PPARGC1B: variants seen among roughly 807,000 people sequenced by gnomAD.
PPARGC1B encodes the protein peroxisome proliferator-activated receptor gamma coactivator 1-beta.
PPARGC1B carries 34 observed loss-of-function variants against 101.6 expected under a neutral mutation model. The observed-to-expected ratio is 0.33, with a 90% CI of 0.25 to 0.45. PPARGC1B has a LOEUF of 0.45. Ranked by LOEUF, PPARGC1B falls within the 20% of genes least tolerant of loss-of-function variation. The pLI is 1.00. For missense variants in PPARGC1B, 1,234 were observed against 1,317.6 expected, an observed-to-expected ratio of 0.94 and a Z score of 0.98; for synonymous variants, 548 against 539.3, an observed-to-expected ratio of 1.02 and a Z score of -0.22.
chr5:149,813,827 AT>A (rs1328857888), intron 1 of PPARGC1B, among the ~76,000 whole-genome samples: 1 of 152,172 alleles, frequency 6.6e-6, no homozygotes, highest in Admixed American at 6.5e-5. Context: ...GCACCGGCAG[AT>A]TTTGTATCTG....
At chr5:149,838,171 C>A (rs1299426716) in intron 8 of PPARGC1B, among the ~76,000 whole-genome samples, 1 of 152,142 alleles carries the variant, frequency 6.6e-6, no homozygotes, top group Non-Finnish European at 1.5e-5. Context: ...TATGTTTATA[C>A]ATCTACAACA....
chr5:149,832,959 A>G lies in PPARGC1B; in HGVS notation c.886A>G (p.Thr296Ala). ...GGTGCAACTCATACGCTACATGCAC[A>G]CCTACTGCCTCCCCCAGAGGAAGCT... ...AMVQLIRYMH[T>A]YCLPQRKLPP... Residue 296 changes from threonine to alanine, a missense_variant, in exon 5 of 12, where the codon ACC becomes GCC. Coordinates refer to ENST00000309241, the MANE Select transcript of PPARGC1B (RefSeq NM_133263.4). This position sits in a 1 kb window ranked among gnomAD's most constrained non-coding sequence, Gnocchi z 4.9. 1 of 1,613,098 alleles carries G rather than the reference A, an allele frequency of 6.2e-7. No homozygotes were observed. The highest frequency in any genetic ancestry group is 8.5e-7 in the Non-Finnish European group (1 of 1,179,978).
Position 149,837,194 on chromosome 5 carries a change from C to T in PPARGC1B, c.2618+121C>T. The T allele has an allele frequency of 1.4e-6, 2 of 1,421,004 alleles. No homozygotes were observed. Among genetic ancestry groups the T allele is most frequent in the Non-Finnish European group, 1.9e-6 (2 of 1,069,258 alleles). The allele number at this position is 1,421,004 out of a possible 1,614,324, so 88.0% of individuals were successfully genotyped here. ...TGCTCTGAAACTGAGGCTGCATCTC[C>T]CAGTGTGGCCCATGTCTTGGTCAGG... On this transcript the variant is annotated intron_variant, in intron 8 of 11. Transcript: ENST00000309241. The surrounding 1 kb of genome is among the most constrained non-coding windows in gnomAD (Gnocchi z 4.2).
At position 149,784,474 on chromosome 5, in the gene PPARGC1B, C is replaced by G. The variant is rs545143012; in HGVS notation, c.79-35959C>G. ...GGGCAGAGGCCACCCTTACCATGGC[C>G]TAGAAGTCTTTTCGGGATCTGGCCC... On this transcript the variant is annotated intron_variant, in intron 1 of 11. Coordinates refer to ENST00000309241, the MANE Select transcript of PPARGC1B (RefSeq NM_133263.4). Among the ~76,000 whole-genome samples the G allele has an allele frequency of 4.6e-5, 7 of 151,652 alleles. No homozygotes were observed. The South Asian group carries it at 1.5e-3, about 32-fold the overall frequency.
At position 149,853,820 on chromosome 5, in the gene PPARGC1B, G is replaced by C. The variant is rs1759859642; in HGVS notation, c.*6262G>C. On this transcript the variant is annotated 3_prime_UTR_variant, in exon 12 of 12. Coordinates refer to ENST00000309241, the MANE Select transcript of PPARGC1B (RefSeq NM_133263.4). This position sits in a 1 kb window ranked among gnomAD's most constrained non-coding sequence, Gnocchi z 4.2. ...GTGGACAAGGTGGTATGTGCAGCAG[G>C]GGAATAGACTGCTTGGATTTCCAAA... The C allele has an allele frequency of 6.6e-6, 1 of 152,190 alleles. No individual in the cohort carries two copies. Among genetic ancestry groups the C allele is most frequent in the African/African-American group, 2.4e-5 (1 of 41,444 alleles). The allele number at this position is 152,190 out of a possible 1,614,324, so 9.4% of individuals were successfully genotyped here. A position where few individuals can be genotyped will look rare whatever the true frequency, so the allele number is the denominator to read the frequency against.
At chr5:149,747,554 A>G (rs1010767088) in intron 1 of PPARGC1B, among the ~76,000 whole-genome samples, 1 of 152,160 alleles carries the variant, frequency 6.6e-6, no homozygotes, top group African/African-American at 2.4e-5. Flanking sequence ...GCCCCAAAAT[A>G]TCATGCCCCA....
chr5:149,844,489 A>T (rs1312676671), intron 10 of PPARGC1B, among the ~76,000 whole-genome samples: 1 of 152,178 alleles, frequency 6.6e-6, no homozygotes, highest in East Asian at 1.9e-4. Flanking sequence ...AATACAAAAA[A>T]TTACCCGGGC....
chr5:149,768,441 A>ATT (rs34427591), intron 1 of PPARGC1B, among the ~76,000 whole-genome samples: 8,344 of 127,462 alleles, frequency 0.065, 413 homozygotes, highest in African/African-American at 0.12. Flanking sequence ...TGCCTGGCTA[A>ATT]TTTTTTTTTT....
chr5:149,796,205 G>C (rs1236339002), intron 1 of PPARGC1B, among the ~76,000 whole-genome samples: 1 of 152,160 alleles, frequency 6.6e-6, no homozygotes, highest in African/African-American at 2.4e-5. Context: ...ACTTCAGAGT[G>C]AGCAGTCGGT....
In PPARGC1B at chr5:149,826,824, C is replaced by A; in HGVS notation, c.404C>A (p.Pro135His). 1 of 1,613,866 alleles carries A rather than the reference C, an allele frequency of 6.2e-7. No homozygotes were observed. The highest frequency in any genetic ancestry group is 8.5e-7 in the Non-Finnish European group (1 of 1,179,804). The change falls in exon 3 of 12, where the codon CCC becomes CAC. Residue 135 changes from proline to histidine, a missense_variant. Coordinates refer to ENST00000309241, the MANE Select transcript of PPARGC1B (RefSeq NM_133263.4). Reference sequence around the variant, plus strand: ...GCTTCGCCTGCCCCCTCATCTGCACCCCCCAGCCCTGCCCCGGAGAAGCCC... The same window carrying A: ...GCTTCGCCTGCCCCCTCATCTGCACACCCCAGCCCTGCCCCGGAGAAGCCC... ...TSASPAPSSA[P>H]PSPAPEKPSA... is the part of the protein sequence containing the mutation.
At chr5:149,799,701 T>TTTTG (rs1252871890) in intron 1 of PPARGC1B, among the ~76,000 whole-genome samples, 2 of 130,060 alleles carry the variant, frequency 1.5e-5, no homozygotes, top group Admixed American at 7.8e-5. Flanking sequence ...TTGTTTTTTT[T>TTTTG]TTTTTTTTTT....
At chr5:149,795,795 G>A (rs1290353402) in intron 1 of PPARGC1B, among the ~76,000 whole-genome samples, 1 of 151,538 alleles carries the variant, frequency 6.6e-6, no homozygotes, top group African/African-American at 2.4e-5. Context: ...GGGCAGGGGG[G>A]GATGATTATC....
At chr5:149,826,958 A>G in intron 3 of PPARGC1B, 73 bp downstream of exon 3, 2 of 1,179,204 alleles carry the variant, frequency 1.7e-6, no homozygotes, top group Non-Finnish European at 2.5e-6. Context: ...CATGGGGTGC[A>G]GAGCAATCCG....
chr5:149,795,068 G>C (rs1251723307), intron 1 of PPARGC1B, among the ~76,000 whole-genome samples: 1 of 152,224 alleles, frequency 6.6e-6, no homozygotes, highest in African/African-American at 2.4e-5. Flanking sequence ...TTCCTTCCCT[G>C]TATAGTAGAA....
chr5:149,800,365 A>G (rs556541616), intron 1 of PPARGC1B, among the ~76,000 whole-genome samples: 1 of 152,290 alleles, frequency 6.6e-6, no homozygotes, highest in South Asian at 2.1e-4. Context: ...CGCTAGAAAG[A>G]TATCACCAAG....
intron 1 of PPARGC1B, among the ~76,000 whole-genome samples, chr5:149,799,466 C>A (rs2113284394): frequency 6.6e-6 from 1 of 152,182 alleles, no homozygotes; most frequent in East Asian, 1.9e-4. Context: ...TCATGCCCTT[C>A]CCTGAGCAAA....
At chr5:149,835,538 C>T (rs1759018875) in intron 7 of PPARGC1B, among the ~76,000 whole-genome samples, 173 bp downstream of exon 7, 1 of 152,250 alleles carries the variant, frequency 6.6e-6, no homozygotes, top group African/African-American at 2.4e-5. Context: ...AAGATCATTA[C>T]AAATTGCAAT....
At chr5:149,788,640 G>A (rs1360397805) in intron 1 of PPARGC1B, among the ~76,000 whole-genome samples, 6 of 152,060 alleles carry the variant, frequency 3.9e-5, no homozygotes, top group African/African-American at 1.2e-4. Context: ...TGTTTATTGC[G>A]GCACTATTCA....
intron 1 of PPARGC1B, among the ~76,000 whole-genome samples, chr5:149,795,391 G>A (rs1757171899): frequency 6.6e-6 from 1 of 152,130 alleles, no homozygotes; most frequent in South Asian, 2.1e-4. Flanking sequence ...ATAAGGTGGG[G>A]CATTGGACTA....
Sources: gnomAD v4.1 joint callset for allele counts (sites outside exome capture counted in the v4.1 genomes callset) on GRCh38, gnomAD v4.1.1 for gene constraint, Gnocchi (gnomAD v3.1) non-coding constraint, MANE v1.5 for transcripts, NCBI Gene and HGNC (gene_info 2026-07-23, HGNC 2026-07-21) for gene names.